Variants in ITGA4 observed in about 807,000 individuals in gnomAD.
The protein encoded by ITGA4 is integrin subunit alpha 4.
In ITGA4, 63 loss-of-function variants were observed where a neutral mutation model predicts 133.6. The ratio of observed to expected loss-of-function variants is 0.47; its 90% CI spans 0.38 to 0.58. The LOEUF (loss-of-function observed/expected upper bound fraction) is 0.58, where lower values mean the gene tolerates loss of function less well. Ranked by LOEUF, ITGA4 falls within the 20% of genes least tolerant of loss-of-function variation. The pLI is 0.00. For missense variants in ITGA4, 1,076 were observed against 1,252.7 expected (o/e 0.86, Z 2.13); for synonymous variants, 483 against 438.0 (o/e 1.10, Z -1.28).
At chr2:181,511,590 G>A in intron 16 of ITGA4, 109 bp from the exon 17 acceptor site, 6 of 596,962 alleles carry the variant, frequency 1.0e-5, no homozygotes, top group Non-Finnish European at 1.8e-5. Context: ...TCAATTTGAT[G>A]TATCAATTTT....
chr2:181,495,839 G>T lies in ITGA4; in HGVS notation c.1442G>T (p.Arg481Ile). 1 of 1,613,928 alleles carries T rather than the reference G, an allele frequency of 6.2e-7. No individual in the cohort carries two copies. The highest frequency in any genetic ancestry group is 8.5e-7 in the Non-Finnish European group (1 of 1,179,830). Reference protein sequence around the residue: ...ASLSHPESVNRTKFDCVENGW... With the variant: ...ASLSHPESVNITKFDCVENGW... The stretch of plus-strand genomic sequence containing the variant: ...TTAAGCCACCCTGAGTCAGTAAATA[G>T]AACGAAATTTGACTGTGTTGAAAAT... The change falls in exon 14 of 28, where the codon AGA (arginine) becomes ATA (isoleucine). Residue 481 changes from arginine (R) to isoleucine (I), a missense_variant. Transcript: ENST00000397033. The surrounding 1 kb of genome is among the most constrained non-coding windows in gnomAD (Gnocchi z 4.3).
intron 9 of ITGA4, among the ~76,000 whole-genome samples, chr2:181,485,098 T>C (rs992771246): frequency 6.6e-6 from 1 of 152,204 alleles, no homozygotes; most frequent in Non-Finnish European, 1.5e-5. Flanking sequence ...AGTTGACTAA[T>C]CTATGCTCCA....
At chr2:181,493,238 T>C (rs1686091757) in intron 10 of ITGA4, 87 bp from the exon 11 acceptor site, 2 of 768,238 alleles carry the variant, frequency 2.6e-6, no homozygotes, top group Non-Finnish European at 4.4e-6. Context: ...TCTTATGTGA[T>C]ATGAATTAAG....
chr2:181,473,362 G>T (rs1685600459), intron 2 of ITGA4, among the ~76,000 whole-genome samples: 1 of 152,216 alleles, frequency 6.6e-6, no homozygotes, highest in South Asian at 2.1e-4. Flanking sequence ...AATGCCAGAT[G>T]ATCTGAGGTG....
chr2:181,508,163 CG>C (rs1387401262), intron 15 of ITGA4, among the ~76,000 whole-genome samples: 1 of 151,002 alleles, frequency 6.6e-6, no homozygotes, highest in African/African-American at 2.4e-5. Context: ...GTAATAAACT[CG>C]AGCTGTTTCT....
chr2:181,515,808 A>C (rs767159651), intron 17 of ITGA4, among the ~76,000 whole-genome samples: 1 of 152,072 alleles, frequency 6.6e-6, no homozygotes, highest in Non-Finnish European at 1.5e-5. Flanking sequence ...CCTTTCTCAG[A>C]AACAGTAGGC....
intron 2 of ITGA4, among the ~76,000 whole-genome samples, chr2:181,469,743 G>T (rs1215952372): frequency 7.9e-5 from 12 of 152,082 alleles, no homozygotes; most frequent in South Asian, 2.1e-4. Flanking sequence ...CCATAAAAAA[G>T]GATGAGTTCA....
intron 11 of ITGA4, among the ~76,000 whole-genome samples, 168 bp from the exon 12 acceptor site, chr2:181,494,554 C>A (rs528492662): frequency 6.6e-6 from 1 of 152,160 alleles, no homozygotes; most frequent in Admixed American, 6.5e-5. Flanking sequence ...TCATTTCAAG[C>A]TGGAAAAATT....
Position 181,537,703 on chromosome 2 carries a change from T to C in ITGA4, c.*2176T>C, listed in dbSNP as rs1329908612. 3 of 425,252 alleles carry C rather than the reference T, an allele frequency of 7.1e-6. No individual in the cohort carries two copies. The highest frequency in any genetic ancestry group is 2.1e-5 in the African/African-American group (1 of 47,386). 26.3% of individuals were successfully genotyped at this position (425,252 alleles called of 1,614,324 possible). On this transcript the variant is annotated 3_prime_UTR_variant, in exon 28 of 28. Coordinates refer to ENST00000397033, the MANE Select transcript of ITGA4 (RefSeq NM_000885.6). ...GTTAAATATTGATGTATTATGATGG[T>C]TGCAAAGTTTTTTTGTGTGTCCAAT... is the stretch of plus-strand genomic sequence containing the variant.
chr2:181,512,307 C>T (rs563512068), intron 17 of ITGA4, among the ~76,000 whole-genome samples: 1 of 151,948 alleles, frequency 6.6e-6, no homozygotes, highest in Non-Finnish European at 1.5e-5. Flanking sequence ...GGCAGGGAAA[C>T]GGGGAACTAT....
chr2:181,536,795 C>CTTATGATCTAGATA lies in ITGA4; in HGVS notation c.*1269_*1282dup, dbSNP rs1447664228. The stretch of plus-strand genomic sequence containing the variant: ...TCATTTTTGTAATATTTATTTTATG[C>CTTATGATCTAGATA]TTATGATCTAGATAATTGCAGAATA... On this transcript the variant is annotated 3_prime_UTR_variant, in exon 28 of 28. Coordinates refer to ENST00000397033, the MANE Select transcript of ITGA4 (RefSeq NM_000885.6). The CTTATGATCTAGATA allele has an allele frequency of 3.8e-5, 10 of 261,208 alleles. No individual in the cohort carries two copies. The Admixed American group carries it at 3.9e-4, about 10-fold the overall frequency. 16.2% of individuals were successfully genotyped at this position (261,208 alleles called of 1,614,324 possible). A position where few individuals can be genotyped will look rare whatever the true frequency, so the allele number is the denominator to read the frequency against.
Position 181,495,577 on chromosome 2 carries a change from A to T in ITGA4, c.1385+161A>T, listed in dbSNP as rs1686141017. 6.6e-6 allele frequency among the ~76,000 whole-genome samples: 1 copy of T among 152,152 alleles called. No homozygotes were observed. The highest frequency in any genetic ancestry group is 1.5e-5 in the Non-Finnish European group (1 of 68,030). On this transcript the variant is annotated intron_variant, in intron 13 of 27. Coordinates refer to ENST00000397033, the MANE Select transcript of ITGA4 (RefSeq NM_000885.6). This position sits in a 1 kb window ranked among gnomAD's most constrained non-coding sequence, Gnocchi z 4.3. ...AGGGTATTTTTTTCACCTTACAGAG[A>T]TATAATTAAATCATCAAAGTCAATA...
intron 24 of ITGA4, among the ~76,000 whole-genome samples, chr2:181,531,345 G>A (rs1317061931): frequency 6.6e-6 from 1 of 152,020 alleles, no homozygotes; most frequent in Non-Finnish European, 1.5e-5. Flanking sequence ...AACAAACAAA[G>A]AATACGTAAC....
intron 11 of ITGA4, among the ~76,000 whole-genome samples, chr2:181,493,826 T>C (rs1300883588): frequency 6.6e-6 from 1 of 152,242 alleles, no homozygotes; most frequent in African/African-American, 2.4e-5. Flanking sequence ...TTCTCTGGGT[T>C]TTTTTCACTG....
At chr2:181,478,114 G>A (rs1402070624) in intron 4 of ITGA4, among the ~76,000 whole-genome samples, 2 of 152,070 alleles carry the variant, frequency 1.3e-5, no homozygotes, top group Non-Finnish European at 2.9e-5. Flanking sequence ...AGTGAAATAA[G>A]CTAGGCCCAG....
intron 2 of ITGA4, among the ~76,000 whole-genome samples, chr2:181,462,449 A>G (rs1685307964): frequency 6.6e-6 from 1 of 152,208 alleles, no homozygotes; most frequent in Non-Finnish European, 1.5e-5. Context: ...GATTCATAGG[A>G]GTTATTAGCT....
chr2:181,486,582 T>A (rs1685924085), intron 10 of ITGA4, among the ~76,000 whole-genome samples: 1 of 152,200 alleles, frequency 6.6e-6, no homozygotes, highest in African/African-American at 2.4e-5. Context: ...CCACTGATAT[T>A]GACGTTTTTT....
intron 11 of ITGA4, 131 bp from the exon 12 acceptor site, chr2:181,494,591 A>T (rs1431547057): frequency 2.2e-5 from 14 of 636,916 alleles, no homozygotes; most frequent in Non-Finnish European, 3.7e-5. Flanking sequence ...TATTTGATTT[A>T]ACTAAAATGC....
chr2:181,524,911 A>G (rs1686801149), intron 20 of ITGA4, among the ~76,000 whole-genome samples: 1 of 152,092 alleles, frequency 6.6e-6, no homozygotes, highest in Admixed American at 6.5e-5. Context: ...TACCACCTAG[A>G]ACATAAATGT....
Sources: gnomAD v4.1 joint callset for allele counts (sites outside exome capture counted in the v4.1 genomes callset) on GRCh38, gnomAD v4.1.1 for gene constraint, Gnocchi (gnomAD v3.1) non-coding constraint, MANE v1.5 for transcripts, NCBI Gene and HGNC (gene_info 2026-07-23, HGNC 2026-07-21) for gene names.